The following TMEM132B variants were observed in gnomAD, a reference collection of about 807,000 sequenced individuals.
TMEM132B encodes transmembrane protein 132B.
TMEM132B carries 18 observed loss-of-function variants against 90.8 expected under a neutral mutation model. The observed-to-expected ratio is 0.20, with a 90% CI of 0.14 to 0.29. TMEM132B has a LOEUF of 0.29. Among genes scored for constraint, TMEM132B ranks in the 10% least tolerant of loss-of-function variants. The pLI is 1.00. For synonymous variants in TMEM132B, 504 were observed against 523.3 expected, an observed-to-expected ratio of 0.96 and a Z score of 0.50; for missense variants, 1,096 against 1,326.8, an observed-to-expected ratio of 0.83 and a Z score of 2.70.
intron 3 of TMEM132B, among the ~76,000 whole-genome samples, chr12:125,433,382 G>T (rs11058168): frequency 0.48 from 72,151 of 151,666 alleles, 20,046 homozygotes; most frequent in African/African-American, 0.77. Context: ...ATTTCTGGAA[G>T]GACCCTCGGG....
At chr12:125,611,923 C>A (rs939909847) in intron 5 of TMEM132B, among the ~76,000 whole-genome samples, 1 of 151,886 alleles carries the variant, frequency 6.6e-6, no homozygotes, top group African/African-American at 2.4e-5. Flanking sequence ...AGGTCAAATT[C>A]GTTTATAATG....
chr12:125,188,221 G>T (rs778820793), intron 1 of TMEM132B, among the ~76,000 whole-genome samples: 4 of 152,188 alleles, frequency 2.6e-5, no homozygotes, highest in Non-Finnish European at 5.9e-5. Flanking sequence ...CTAGAGAATG[G>T]CATTGGGCTT....
At chr12:125,642,499 G>A (rs896101288) in intron 5 of TMEM132B, among the ~76,000 whole-genome samples, 1 of 152,182 alleles carries the variant, frequency 6.6e-6, no homozygotes, top group Non-Finnish European at 1.5e-5. Context: ...GGGGATGAGA[G>A]ACACATTAGC....
chr12:125,556,270 C>T (rs1884383631), intron 4 of TMEM132B, among the ~76,000 whole-genome samples: 1 of 152,198 alleles, frequency 6.6e-6, no homozygotes, highest in Non-Finnish European at 1.5e-5. Flanking sequence ...GTTATCCTGA[C>T]CTGAACGTCA....
chr12:125,296,277 A>T (rs551341605), intron 1 of TMEM132B, among the ~76,000 whole-genome samples: 22 of 151,944 alleles, frequency 1.4e-4, no homozygotes, highest in African/African-American at 5.3e-4. Flanking sequence ...TTTTCTTCCC[A>T]CCCACCGGGC....
rs76342738 is a variant in TMEM132B, at chr12:125,397,802, A to G, written c.960-17729A>G. Among the ~76,000 whole-genome samples the G allele has an allele frequency of 8.3e-3, 1,257 of 152,346 alleles. 23 individuals carry two copies. Among genetic ancestry groups the G allele is most frequent in the African/African-American group, 0.028 (1,151 of 41,586 alleles). Reference sequence around the variant, plus strand: ...TTAGGAACCAATGCTTGGGGCACCAATGCTTGGAGCTATGAAAAGAAGTGA... The same window carrying G: ...TTAGGAACCAATGCTTGGGGCACCAGTGCTTGGAGCTATGAAAAGAAGTGA... On this transcript the variant is annotated intron_variant, in intron 2 of 8. Transcript: ENST00000682704.
intron 4 of TMEM132B, among the ~76,000 whole-genome samples, chr12:125,567,447 A>T (rs7956406): frequency 1.3e-5 from 2 of 152,006 alleles, no homozygotes; most frequent in African/African-American, 4.8e-5. Flanking sequence ...CCTGCCCCAC[A>T]CATCTCTTTC....
intron 1 of TMEM132B, among the ~76,000 whole-genome samples, chr12:125,290,173 A>G (rs1875497418): frequency 6.6e-6 from 1 of 152,214 alleles, no homozygotes; most frequent in South Asian, 2.1e-4. Context: ...GCCGTAATTC[A>G]TTCAAGTAGC....
chr12:125,584,460 G>T (rs73220948), intron 5 of TMEM132B: 9,721 of 155,010 alleles, frequency 0.063, 441 homozygotes, highest in African/African-American at 0.13. Context: ...GCTAATAAAT[G>T]CATTACTTTT....
intron 1 of TMEM132B, among the ~76,000 whole-genome samples, chr12:125,249,275 C>T (rs746900195): frequency 2.0e-5 from 3 of 152,112 alleles, no homozygotes; most frequent in Non-Finnish European, 4.4e-5. Flanking sequence ...AGTTTCTGAT[C>T]GGTAGACCTG....
At chr12:125,452,626 C>T (rs938164963) in intron 3 of TMEM132B, among the ~76,000 whole-genome samples, 4 of 152,144 alleles carry the variant, frequency 2.6e-5, no homozygotes, top group African/African-American at 9.7e-5. Flanking sequence ...TTTCCACAGC[C>T]TCCTCAGTGC....
intron 1 of TMEM132B, among the ~76,000 whole-genome samples, chr12:125,298,690 G>A (rs1253175817): frequency 8.5e-6 from 1 of 117,668 alleles, no homozygotes; most frequent in Non-Finnish European, 1.8e-5. Flanking sequence ...AAAAAAAAAA[G>A]TGTTACATCT....
intron 5 of TMEM132B, among the ~76,000 whole-genome samples, chr12:125,613,975 A>G (rs916362281): frequency 6.6e-6 from 1 of 152,086 alleles, no homozygotes; most frequent in Non-Finnish European, 1.5e-5. Context: ...TGTTAAATAT[A>G]TTACATTTAT....
intron 1 of TMEM132B, among the ~76,000 whole-genome samples, chr12:125,276,220 C>G (rs1874981757): frequency 6.6e-6 from 1 of 152,198 alleles, no homozygotes; most frequent in Non-Finnish European, 1.5e-5. Flanking sequence ...ACAGACAAAC[C>G]CTATTCTTAG....
intron 5 of TMEM132B, among the ~76,000 whole-genome samples, chr12:125,605,883 G>T (rs1885684327): frequency 6.6e-6 from 1 of 152,158 alleles, no homozygotes; most frequent in Non-Finnish European, 1.5e-5. Flanking sequence ...ATGAACCAAA[G>T]AAATTGGAAG....
At chr12:125,232,207 A>G (rs1159443093) in intron 1 of TMEM132B, among the ~76,000 whole-genome samples, 1 of 152,114 alleles carries the variant, frequency 6.6e-6, no homozygotes, top group African/African-American at 2.4e-5. Context: ...TTTCCTCATT[A>G]TAAACAATGC....
At chr12:125,617,571 C>T (rs954844453) in intron 5 of TMEM132B, among the ~76,000 whole-genome samples, 8 of 152,214 alleles carry the variant, frequency 5.3e-5, no homozygotes, top group East Asian at 3.9e-4. Context: ...TCTCAAACTC[C>T]CGACCTCAGG....
At chr12:125,385,715 T>C (rs1878810580) in intron 2 of TMEM132B, among the ~76,000 whole-genome samples, 2 of 152,226 alleles carry the variant, frequency 1.3e-5, no homozygotes, top group South Asian at 4.1e-4. Context: ...AACAGTCTAG[T>C]GAATGCCAGG....
intron 4 of TMEM132B, among the ~76,000 whole-genome samples, chr12:125,537,221 T>C (rs1199910355): frequency 6.6e-6 from 1 of 152,220 alleles, no homozygotes; most frequent in Non-Finnish European, 1.5e-5. Context: ...AATCCATGTA[T>C]AAGTGGAACT....
Sources: allele counts gnomAD v4.1 joint callset (sites outside exome capture counted in the v4.1 genomes callset), GRCh38; gene constraint gnomAD v4.1.1; transcripts MANE v1.5; gene names NCBI Gene and HGNC (gene_info 2026-07-23, HGNC 2026-07-21).